The following COQ8A variants were observed in gnomAD, a reference collection of about 807,000 sequenced individuals.
The protein encoded by COQ8A is atypical kinase COQ8A, mitochondrial.
COQ8A carries 51 observed loss-of-function variants against 65.0 expected under a neutral mutation model. The observed-to-expected ratio is 0.78, with a 90% CI of 0.63 to 0.99. The LOEUF (loss-of-function observed/expected upper bound fraction) is 0.99. Ranked by LOEUF, COQ8A falls within the 50% of genes least tolerant of loss-of-function variation. The pLI is 0.00. For synonymous variants in COQ8A, 371 were observed against 353.2 expected (o/e 1.05, Z -0.57); for missense variants, 940 against 875.0 (o/e 1.07, Z -0.94).
intron 8 of COQ8A, 31 bp from the exon 9 acceptor site, chr1:226,983,521 T>C (rs1433065219): frequency 2.5e-6 from 4 of 1,605,626 alleles, no homozygotes; most frequent in Non-Finnish European, 3.4e-6. Context: ...CTCCCTGGGC[T>C]AACTCCCCTG....
At chr1:226,945,215 G>T (rs1450943071) in intron 1 of COQ8A, among the ~76,000 whole-genome samples, 1 of 152,164 alleles carries the variant, frequency 6.6e-6, no homozygotes, top group Non-Finnish European at 1.5e-5. Context: ...GAAAACGCAG[G>T]CCCCAAGAGG....
intron 4 of COQ8A, among the ~76,000 whole-genome samples, chr1:226,970,035 C>T (rs2802276): frequency 0.063 from 9,614 of 152,080 alleles, 498 homozygotes; most frequent in East Asian, 0.25. Flanking sequence ...GGCGTGATCT[C>T]GGCTCACAGC....
At chr1:226,960,390 C>T (rs1342012918) in intron 1 of COQ8A, among the ~76,000 whole-genome samples, 2 of 630 alleles carry the variant, frequency 3.2e-3, no homozygotes, top group Non-Finnish European at 3.4e-3. Flanking sequence ...TTGGTGGTGT[C>T]AGTGGTGGTA....
At chr1:226,960,452 GGTGGCAGTACTTGGTGGTGGTGGCA>G (rs1658153554) in intron 1 of COQ8A, among the ~76,000 whole-genome samples, 2 of 151,836 alleles carry the variant, frequency 1.3e-5, no homozygotes, top group Non-Finnish European at 1.5e-5. Flanking sequence ...ACTTGGTGGT[GGTGGCAGTACTTGGTGGTGGTGGCA>G]GTGGTACTTG....
chr1:226,961,448 G>A lies in COQ8A; in HGVS notation c.63G>A (p.Ala21=), dbSNP rs11549709. 32,729 of 1,613,806 alleles carry A rather than the reference G, an allele frequency of 0.02. 397 individuals carry two copies. Among genetic ancestry groups the A allele is most frequent in the Non-Finnish European group, 0.025 (29,904 of 1,180,028 alleles). Residue 21 remains alanine, a synonymous_variant, in exon 2 of 15, where the codon GCG becomes GCA. Transcript: ENST00000366777. ...AAGGCCTTGTCAAGCTGACCCAGGC[G>A]GCCGTGGAAACCCACCTGCAGCACT... ...VAKGLVKLTQ[A]AVETHLQHLG...
chr1:226,986,715 G>GC lies in COQ8A; in HGVS notation c.1923dup (p.Lys642GlnfsTer88). ...TTCGAGGAGGCCTACAGCAACTACTGCAAGAGGCAGGCCCAGCAGTAGGGC... is the reference window on the plus strand; with the variant it reads ...TTCGAGGAGGCCTACAGCAACTACTGCCAAGAGGCAGGCCCAGCAGTAGGGC... On this transcript the variant is annotated frameshift_variant, in exon 15 of 15. Transcript: ENST00000366777. LOFTEE classifies it high-confidence loss of function. 6.2e-7 allele frequency: 1 copy of GC among 1,613,626 alleles called. No individual in the cohort carries two copies. Among genetic ancestry groups the GC allele is most frequent in the South Asian group, 1.1e-5 (1 of 91,078 alleles).
At chr1:226,943,019 T>C (rs1363777829) in intron 1 of COQ8A, among the ~76,000 whole-genome samples, 1 of 152,206 alleles carries the variant, frequency 6.6e-6, no homozygotes, top group Non-Finnish European at 1.5e-5. Context: ...GAGTTTCTTT[T>C]TCTTGCTGTT....
At chr1:226,961,983 C>T (rs1368422434) in intron 2 of COQ8A, among the ~76,000 whole-genome samples, 1 of 152,176 alleles carries the variant, frequency 6.6e-6, no homozygotes, top group Non-Finnish European at 1.5e-5. Flanking sequence ...GGGCTTCATT[C>T]TCATGACTTA....
At position 226,983,809 on chromosome 1, in the gene COQ8A, T is replaced by G. The variant is rs771755682; in HGVS notation, c.1211T>G (p.Leu404Arg). 15 of 1,612,314 alleles carry G rather than the reference T, an allele frequency of 9.3e-6. No homozygotes were observed. The highest frequency in any genetic ancestry group is 4.0e-5 in the African/African-American group (3 of 74,902). The change falls in exon 10 of 15, where the codon CTG becomes CGG. Residue 404 changes from leucine (L) to arginine (R), a missense_variant. Physicochemically the swap from Leu to Arg is moderately radical, Grantham distance 102. Transcript: ENST00000366777. ...LIDVLRRELA[L>R]ECDYQREAAC... ...GACGTGCTGAGGCGGGAGCTGGCCC[T>G]GGAGTGTGACTACCAGCGAGAGGCC...
At position 226,986,885 on chromosome 1, in the gene COQ8A, C is replaced by T; in HGVS notation, c.*148C>T. Reference sequence around the variant, plus strand: ...CTGGAGCCCCGTAGCCAGCGCTTTCCACGGTTTCTGTTGCTAAATGGTTGT... The same window carrying T: ...CTGGAGCCCCGTAGCCAGCGCTTTCTACGGTTTCTGTTGCTAAATGGTTGT... On this transcript the variant is annotated 3_prime_UTR_variant, in exon 15 of 15. Coordinates refer to ENST00000366777, the MANE Select transcript of COQ8A (RefSeq NM_020247.5). 1.0e-6 allele frequency: 1 copy of T among 971,528 alleles called. No individual in the cohort carries two copies. The highest frequency in any genetic ancestry group is 1.5e-6 in the Non-Finnish European group (1 of 654,730). 60.2% of individuals were successfully genotyped at this position (971,528 alleles called of 1,614,324 possible).
intron 11 of COQ8A, 81 bp downstream of exon 11, chr1:226,984,316 G>A (rs555870815): frequency 1.5e-4 from 239 of 1,592,264 alleles, no homozygotes; most frequent in Admixed American, 3.7e-4. Context: ...GTGAGCTGGG[G>A]ACTTGGAGCC....
chr1:226,943,574 C>G (rs1480934543), intron 1 of COQ8A, among the ~76,000 whole-genome samples: 1 of 152,218 alleles, frequency 6.6e-6, no homozygotes, highest in African/African-American at 2.4e-5. Flanking sequence ...GACTACCTGA[C>G]TGGATATATG....
At chr1:226,967,766 C>T (rs983477368) in intron 4 of COQ8A, among the ~76,000 whole-genome samples, 1 of 152,230 alleles carries the variant, frequency 6.6e-6, no homozygotes, top group African/African-American at 2.4e-5. Flanking sequence ...GGAGCCTTTG[C>T]TGACACCTGC....
At chr1:226,947,200 T>TG (rs943112640) in intron 1 of COQ8A, among the ~76,000 whole-genome samples, 4 of 152,216 alleles carry the variant, frequency 2.6e-5, no homozygotes, top group African/African-American at 9.7e-5. Flanking sequence ...GTTATTGATT[T>TG]GGGGCAGTGT....
intron 2 of COQ8A, among the ~76,000 whole-genome samples, chr1:226,964,207 C>T (rs1248532944): frequency 6.6e-6 from 1 of 152,172 alleles, no homozygotes; most frequent in Non-Finnish European, 1.5e-5. Flanking sequence ...GAAGCCGGTG[C>T]TGTTCTAATT....
At position 226,983,032 on chromosome 1, in the gene COQ8A, C is replaced by T; in HGVS notation, c.1078C>T (p.Gln360Ter). ...KGGREVAMKI[Q>*]YPGVAQSINS... Reference sequence around the variant, plus strand: ...CGGCCGCGAGGTGGCCATGAAGATCCAGGTAGGCGGCCTGATGCGCAGTGC... The same window carrying T: ...CGGCCGCGAGGTGGCCATGAAGATCTAGGTAGGCGGCCTGATGCGCAGTGC... The change falls in exon 8 of 15, where the codon CAG becomes TAG. Residue 360 changes from glutamine to a stop codon, truncating the protein, a stop_gained and splice_region_variant. Coordinates refer to ENST00000366777, the MANE Select transcript of COQ8A (RefSeq NM_020247.5). LOFTEE classifies it high-confidence loss of function. 6.3e-7 allele frequency: 1 copy of T among 1,585,126 alleles called. No homozygotes were observed. The highest frequency in any genetic ancestry group is 8.6e-7 in the Non-Finnish European group (1 of 1,166,950).
chr1:226,944,750 TGAGAGA>T (rs1395125342), intron 1 of COQ8A, among the ~76,000 whole-genome samples: 17 of 24,668 alleles, frequency 6.9e-4, no homozygotes, highest in South Asian at 2.1e-3. Context: ...AGAGAGAGAG[TGAGAGA>T]GAGAGAGTGA....
Position 226,978,508 on chromosome 1 carries a change from C to G in COQ8A, c.730+985C>G, listed in dbSNP as rs924582174. On this transcript the variant is annotated intron_variant, in intron 5 of 14. Coordinates refer to ENST00000366777, the MANE Select transcript of COQ8A (RefSeq NM_020247.5). Reference sequence around the variant, plus strand: ...CACCTCCTTACACATCCTCCACACACCCACCGAACACCCACTGAACACTGC... The same window carrying G: ...CACCTCCTTACACATCCTCCACACAGCCACCGAACACCCACTGAACACTGC... Among the ~76,000 whole-genome samples, 2 of 140,664 alleles carry G rather than the reference C, an allele frequency of 1.4e-5. 1 individual carries two copies. Among genetic ancestry groups the G allele is most frequent in the African/African-American group, 5.0e-5 (2 of 40,136 alleles). 92.3% of individuals were successfully genotyped at this position (140,664 alleles called of 152,430 possible).
chr1:226,982,176 C>T (rs772905891), intron 6 of COQ8A, 27 bp downstream of exon 6: 64 of 1,554,310 alleles, frequency 4.1e-5, no homozygotes, highest in East Asian at 1.5e-4. Flanking sequence ...GCTGCTGCCC[C>T]GGGACTGCGT....
Sources: gnomAD v4.1 joint callset for allele counts (sites outside exome capture counted in the v4.1 genomes callset) on GRCh38, gnomAD v4.1.1 for gene constraint, MANE v1.5 for transcripts, NCBI Gene and HGNC (gene_info 2026-07-23, HGNC 2026-07-21) for gene names.